Variants in ZNF43 observed in about 807,000 individuals in gnomAD.
The protein encoded by ZNF43 is zinc finger protein 39-like 1 (KOX 27).
In ZNF43, 44 loss-of-function variants were observed where a neutral mutation model predicts 68.4. That is an observed-to-expected ratio of 0.64 (90% CI 0.51 to 0.83). ZNF43 has a LOEUF of 0.83. Among genes scored for constraint, ZNF43 ranks in the 40% least tolerant of loss-of-function variants. The pLI is 0.00. For missense variants in ZNF43, 896 were observed against 933.2 expected, an observed-to-expected ratio of 0.96 and a Z score of 0.52; for synonymous variants, 308 against 307.8, an observed-to-expected ratio of 1.00 and a Z score of -0.01.
rs370200354 is a variant in ZNF43, at chr19:21,808,586, C to T, written c.1451G>A (p.Cys484Tyr). The change falls in exon 4 of 4, where the codon TGT becomes TAT. Residue 484 changes from cysteine to tyrosine, a missense_variant. Physicochemically the swap from Cys to Tyr is radical, Grantham distance 194. Transcript: ENST00000354959. ...RIHTAEKPYK[C>Y]EECGKAFSRS... is the part of the protein sequence containing the mutation. ...GCTAAAAGCTTTGCCACATTCTTCACATTTGTACGGTTTTTCTGCAGTATG... is the reference window on the plus strand; with the variant it reads ...GCTAAAAGCTTTGCCACATTCTTCATATTTGTACGGTTTTTCTGCAGTATG... The T allele has an allele frequency of 5.0e-6, 8 of 1,613,228 alleles. No homozygotes were observed. The highest frequency in any genetic ancestry group is 2.7e-5 in the African/African-American group (2 of 74,734).
chr19:21,839,082 T>C (rs2145373903), upstream of ZNF43: 1 of 152,172 alleles, frequency 6.6e-6, no homozygotes, highest in South Asian at 2.1e-4. Context: ...TATATCACAA[T>C]ACCCAAATTA....
chr19:21,834,037 CG>C (rs914530998), intron 1 of ZNF43, among the ~76,000 whole-genome samples: 3 of 148,906 alleles, frequency 2.0e-5, no homozygotes, highest in East Asian at 2.0e-4. Context: ...TAAGGCGGGG[CG>C]GGGGAAAAAA....
At chr19:21,835,863 G>C (rs781575802) in intron 1 of ZNF43, among the ~76,000 whole-genome samples, 173 bp downstream of exon 1, 1 of 152,212 alleles carries the variant, frequency 6.6e-6, no homozygotes, top group Non-Finnish European at 1.5e-5. Flanking sequence ...GCAGAGAAGA[G>C]ACAGGACGCC....
chr19:21,833,405 T>A (rs2038519602), intron 1 of ZNF43, among the ~76,000 whole-genome samples: 1 of 152,030 alleles, frequency 6.6e-6, no homozygotes, highest in African/African-American at 2.4e-5. Flanking sequence ...GTAGCTGGGA[T>A]TACAGGCGCC....
At chr19:21,838,405 T>TG (rs35377796), upstream of ZNF43, among the ~76,000 whole-genome samples, 7,437 of 149,418 alleles carry the variant, frequency 0.05, 393 homozygotes, top group African/African-American at 0.13. Context: ...CTAAATTTTT[T>TG]TTTTTTTTTT....
chr19:21,836,178 G>C lies in ZNF43; in HGVS notation c.-140C>G, dbSNP rs966422891. 4.6e-6 allele frequency: 7 copies of C among 1,530,070 alleles called. No individual in the cohort carries two copies. The highest frequency in any genetic ancestry group is 1.2e-5 in the South Asian group (1 of 81,092). 94.8% of individuals were successfully genotyped at this position (1,530,070 alleles called of 1,614,324 possible). A position where few individuals can be genotyped will look rare whatever the true frequency, so the allele number is the denominator to read the frequency against. ...AGACGCAGAGCTCCAACTGCAGCCAGAGACAAAGGCCCCGCCACATCCCGG... is the reference window on the plus strand; with the variant it reads ...AGACGCAGAGCTCCAACTGCAGCCACAGACAAAGGCCCCGCCACATCCCGG... On this transcript the variant is annotated 5_prime_UTR_variant, in exon 1 of 4. Transcript: ENST00000354959.
rs1599446674 is a variant in ZNF43, at chr19:21,809,210, T to C, written c.827A>G (p.His276Arg). ...AFNKSSILTT[H>R]KIIRTGEKFY... ...TTTCTCTCCAGTGCGAATTATCTTA[T>C]GGGTAGTAAGGATTGAGGACTTGTT... The change falls in exon 4 of 4, where the codon CAT (histidine) becomes CGT (arginine). Residue 276 changes from histidine (H) to arginine (R), a missense_variant. By Grantham distance (29) the His-to-Arg change is conservative. Coordinates refer to ENST00000354959, the MANE Select transcript of ZNF43 (RefSeq NM_003423.4). 3 of 1,613,596 alleles carry C rather than the reference T, an allele frequency of 1.9e-6. No individual in the cohort carries two copies. The highest frequency in any genetic ancestry group is 2.2e-5 in the East Asian group (1 of 44,858).
intron 1 of ZNF43, among the ~76,000 whole-genome samples, chr19:21,846,490 A>G (rs1438607857): frequency 6.6e-6 from 1 of 152,202 alleles, no homozygotes; most frequent in African/African-American, 2.4e-5. Flanking sequence ...AGAGTCAAAT[A>G]AAATAGTTGA....
upstream of ZNF43, among the ~76,000 whole-genome samples, chr19:21,839,409 T>G (rs959098984): frequency 5.5e-5 from 8 of 145,902 alleles, no homozygotes; most frequent in African/African-American, 1.8e-4. Context: ...AGCACCCCAG[T>G]GGACAAGGCC....
At chr19:21,817,822 T>G (rs551730478) in intron 3 of ZNF43, 66 bp downstream of exon 3, 2 of 1,478,488 alleles carry the variant, frequency 1.4e-6, no homozygotes, top group Admixed American at 1.9e-5. Context: ...TTTTAAGGAC[T>G]GGCTTTCCCC....
chr19:21,812,095 T>C (rs111442446), intron 3 of ZNF43: 23 of 397,514 alleles, frequency 5.8e-5, no homozygotes, highest in Non-Finnish European at 9.8e-5. Flanking sequence ...TCACATGTGA[T>C]ATTCCTTAAT....
At position 21,806,894 on chromosome 19, in the gene ZNF43, C is replaced by T. The variant is rs1339238741; in HGVS notation, c.*713G>A. On this transcript the variant is annotated 3_prime_UTR_variant, in exon 4 of 4. Coordinates refer to ENST00000354959, the MANE Select transcript of ZNF43 (RefSeq NM_003423.4). The stretch of plus-strand genomic sequence containing the variant: ...TCGGATTAAATTTTTTTCATTTTTA[C>T]TGCATCTGCAAAAACATATTTTAGT... 3.9e-5 allele frequency: 6 copies of T among 152,128 alleles called. No individual in the cohort carries two copies. Among genetic ancestry groups the T allele is most frequent in the Non-Finnish European group, 8.8e-5 (6 of 68,018 alleles). 9.4% of individuals were successfully genotyped at this position (152,128 alleles called of 1,614,324 possible). A position where few individuals can be genotyped will look rare whatever the true frequency, so the allele number is the denominator to read the frequency against.
intron 1 of ZNF43, among the ~76,000 whole-genome samples, chr19:21,848,036 T>C (rs992623829): frequency 2.0e-5 from 3 of 151,822 alleles, no homozygotes; most frequent in African/African-American, 7.3e-5. Flanking sequence ...ATCAGACTGG[T>C]CTTGAACTCC....
chr19:21,807,701 G>A lies in ZNF43; in HGVS notation c.2336C>T (p.Thr779Ile). 6.2e-7 allele frequency: 1 copy of A among 1,613,236 alleles called. No individual in the cohort carries two copies. The highest frequency in any genetic ancestry group is 8.5e-7 in the Non-Finnish European group (1 of 1,179,600). ...CTCTCCAGTATGAATTTTGTTATGT[G>A]TAGTAAGGTTTGAATATTGGTTGAA... ...KAFNQYSNLT[T>I]HNKIHTGEKL... The change falls in exon 4 of 4, where the codon ACA becomes ATA. Residue 779 changes from threonine (T) to isoleucine (I), a missense_variant. Transcript: ENST00000354959.
chr19:21,828,663 G>A (rs1209890656), intron 1 of ZNF43, among the ~76,000 whole-genome samples: 1 of 151,588 alleles, frequency 6.6e-6, no homozygotes, highest in Non-Finnish European at 1.5e-5. Flanking sequence ...GTTGCAGTAA[G>A]CTGAGATCAT....
intron 1 of ZNF43, chr19:21,851,009 T>C (rs1968311925): frequency 6.6e-6 from 1 of 152,198 alleles, no homozygotes; most frequent in Non-Finnish European, 1.5e-5. Flanking sequence ...GGTCAACACC[T>C]CCTGTATGTT....
chr19:21,836,108 A>T lies in ZNF43; in HGVS notation c.-70T>A. On this transcript the variant is annotated 5_prime_UTR_variant, in exon 1 of 4. Transcript: ENST00000354959. Reference sequence around the variant, plus strand: ...CAATACCCGCAGGTCACAGAGCCACAGAGGCTGGACCTCTAGCAGCAGAGG... The same window carrying T: ...CAATACCCGCAGGTCACAGAGCCACTGAGGCTGGACCTCTAGCAGCAGAGG... 1 of 1,611,424 alleles carries T rather than the reference A, an allele frequency of 6.2e-7. No individual in the cohort carries two copies. The highest frequency in any genetic ancestry group is 8.5e-7 in the Non-Finnish European group (1 of 1,178,214).
In ZNF43 at chr19:21,827,782, C is replaced by T. The variant is rs569128384; in HGVS notation, c.3+8254G>A. On this transcript the variant is annotated intron_variant, in intron 1 of 3. Transcript: ENST00000354959. ...GTTCAAGCAATTCTCCTGTCTCAGC[C>T]TCCCAAGTAGCTAGGATTACAGGCA... 3.1e-4 allele frequency among the ~76,000 whole-genome samples: 47 copies of T among 152,046 alleles called. 1 individual carries two copies. Among genetic ancestry groups the T allele is most frequent in the African/African-American group, 1.1e-3 (44 of 41,462 alleles).
At chr19:21,829,769 A>C (rs529953515) in intron 1 of ZNF43, among the ~76,000 whole-genome samples, 1 of 152,312 alleles carries the variant, frequency 6.6e-6, no homozygotes, top group African/African-American at 2.4e-5. Flanking sequence ...CTCTGGACAT[A>C]TTGAACTCTT....
Sources: allele counts gnomAD v4.1 joint callset (sites outside exome capture counted in the v4.1 genomes callset), GRCh38; gene constraint gnomAD v4.1.1; transcripts MANE v1.5; gene names NCBI Gene and HGNC (gene_info 2026-07-23, HGNC 2026-07-21).